Variants in CDH23 observed in about 807,000 individuals in gnomAD.
CDH23 encodes the protein cadherin-23.
Under a neutral mutation model 317.1 loss-of-function variants are expected in CDH23, and 189 were observed. The observed-to-expected ratio is 0.60, with a 90% CI of 0.53 to 0.67. CDH23 has a LOEUF of 0.67. Among genes scored for constraint, CDH23 ranks in the 30% least tolerant of loss-of-function variants. CDH23 has a pLI of 0.00. For synonymous variants in CDH23, 1,839 were observed against 1,876.8 expected, an observed-to-expected ratio of 0.98 and a Z score of 0.52; for missense variants, 4,401 against 4,592.4, an observed-to-expected ratio of 0.96 and a Z score of 1.20.
chr10:71,442,062 C>T (rs150185232), intron 2 of CDH23, among the ~76,000 whole-genome samples: 15 of 152,338 alleles, frequency 9.8e-5, no homozygotes, highest in Middle Eastern at 3.4e-3. Context: ...TAGAATAGTG[C>T]CTGGCACAGA....
At chr10:71,493,804 G>A (rs1275905714) in intron 3 of CDH23, among the ~76,000 whole-genome samples, 5 of 152,132 alleles carry the variant, frequency 3.3e-5, no homozygotes, top group East Asian at 1.9e-4. Flanking sequence ...TTAATGATTC[G>A]CGAAATACAC....
chr10:71,450,029 G>T (rs746901092), intron 3 of CDH23, among the ~76,000 whole-genome samples: 1 of 152,236 alleles, frequency 6.6e-6, no homozygotes, highest in Non-Finnish European at 1.5e-5. Flanking sequence ...TCCCCAGACA[G>T]GGCCCTGAAT....
intron 20 of CDH23, among the ~76,000 whole-genome samples, chr10:71,692,532 G>A (rs1044590343): frequency 2.0e-5 from 3 of 152,106 alleles, no homozygotes; most frequent in Admixed American, 6.5e-5. Flanking sequence ...TTTCTTCCTC[G>A]CCCTGCCAAT....
chr10:71,663,234 C>T (rs370689408), intron 14 of CDH23, among the ~76,000 whole-genome samples: 1 of 152,214 alleles, frequency 6.6e-6, no homozygotes, highest in African/African-American at 2.4e-5. Context: ...GTGACAGGGA[C>T]ATGTTGATAA....
chr10:71,517,973 C>T (rs1294948487), intron 6 of CDH23, among the ~76,000 whole-genome samples: 2 of 152,178 alleles, frequency 1.3e-5, no homozygotes, highest in African/African-American at 4.8e-5. Flanking sequence ...CCTGCGGCAG[C>T]CAGGACAGCA....
At chr10:71,752,660 G>A (rs979958041) in intron 38 of CDH23, among the ~76,000 whole-genome samples, 4 of 152,300 alleles carry the variant, frequency 2.6e-5, no homozygotes, top group South Asian at 4.1e-4. Context: ...GGCTGGGCCC[G>A]CTGGCCTCCT....
chr10:71,716,345 G>A (rs1056077137), intron 28 of CDH23: 12 of 1,464,840 alleles, frequency 8.2e-6, no homozygotes, highest in Non-Finnish European at 9.1e-6. Context: ...CATGGCTCCT[G>A]CAACAGCAAC....
intron 6 of CDH23, among the ~76,000 whole-genome samples, chr10:71,563,614 G>T (rs1857239687): frequency 6.6e-6 from 1 of 152,126 alleles, no homozygotes; most frequent in Non-Finnish European, 1.5e-5. Flanking sequence ...TGCCTGTAAT[G>T]ATATTTTATT....
At chr10:71,401,949 C>CAATATGCAT (rs1421858899) in intron 1 of CDH23, among the ~76,000 whole-genome samples, 2 of 152,192 alleles carry the variant, frequency 1.3e-5, no homozygotes, top group African/African-American at 2.4e-5. Flanking sequence ...TCCCATAGGG[C>CAATATGCAT]AGAAAATGCA....
At chr10:71,454,309 G>A (rs1850584715) in intron 3 of CDH23, among the ~76,000 whole-genome samples, 1 of 152,196 alleles carries the variant, frequency 6.6e-6, no homozygotes, top group Non-Finnish European at 1.5e-5. Flanking sequence ...TTAGAACTGT[G>A]TCTGGCCCAT....
chr10:71,791,165 A>C lies in CDH23; in HGVS notation c.6083A>C (p.Asp2028Ala), dbSNP rs762226905. The part of the protein sequence containing the change: ...VVTVRSGVII[D>A]REAFSPPILE... Reference sequence around the variant, plus strand: ...ACCGTGAGGTCAGGTGTCATCATTGACCGGGAGGCATTCTCGCCACCCATC... The same window carrying C: ...ACCGTGAGGTCAGGTGTCATCATTGCCCGGGAGGCATTCTCGCCACCCATC... Residue 2028 changes from aspartate to alanine, a missense_variant, in exon 47 of 70, where the codon GAC becomes GCC. Physicochemically the swap from Asp to Ala is moderately radical, Grantham distance 126 (BLOSUM62 -2). This residue lies in a region of CDH23 where 3,068 missense variants were observed against 3,203.3 expected (regional missense o/e 0.96). Transcript: ENST00000224721. 2.5e-6 allele frequency: 4 copies of C among 1,612,096 alleles called. No homozygotes were observed. The South Asian group carries it at 3.3e-5, about 13-fold the overall frequency.
intron 2 of CDH23, among the ~76,000 whole-genome samples, chr10:71,445,712 A>G (rs1271975522): frequency 6.6e-6 from 1 of 152,078 alleles, no homozygotes; most frequent in African/African-American, 2.4e-5. Context: ...ATAGCCTGGC[A>G]TGGGGCATGC....
chr10:71,487,124 C>T (rs188144885), intron 3 of CDH23, among the ~76,000 whole-genome samples: 1 of 152,306 alleles, frequency 6.6e-6, no homozygotes, highest in African/African-American at 2.4e-5. Flanking sequence ...CACCTCTCAC[C>T]TCCAACTCAT....
intron 6 of CDH23, among the ~76,000 whole-genome samples, chr10:71,525,547 G>C (rs926835475): frequency 1.3e-5 from 2 of 152,210 alleles, no homozygotes; most frequent in East Asian, 3.9e-4. Context: ...GAGGGTAGCT[G>C]GCTGGGAAGA....
At chr10:71,725,346 T>G (rs1460267650) in intron 29 of CDH23, 26 bp from the exon 30 acceptor site, 2 of 1,613,890 alleles carry the variant, frequency 1.2e-6, no homozygotes, top group Non-Finnish European at 1.7e-6. Context: ...GGGCCGGTGT[T>G]CCAGGGGGTC....
chr10:71,811,753 GGTAA>G lies in CDH23; in HGVS notation c.9319+3_9319+6del, dbSNP rs754198925. On this transcript the variant is annotated splice_donor_variant and splice_donor_region_variant and intron_variant, in intron 65 of 69. Transcript: ENST00000224721. LOFTEE classifies it high-confidence loss of function. ...CAAGGCCATTGTGGCTGGCTCAGCTGGTAAGTGAGGGCCATAGTGGGGACACAGG... is the reference window on the plus strand; with the variant it reads ...CAAGGCCATTGTGGCTGGCTCAGCTGGTGAGGGCCATAGTGGGGACACAGG... The G allele has an allele frequency of 3.7e-5, 58 of 1,572,224 alleles. No homozygotes were observed. Among genetic ancestry groups the G allele is most frequent in the East Asian group, 7.1e-5 (3 of 42,052 alleles).
At chr10:71,635,868 G>A (rs181030077) in intron 11 of CDH23, among the ~76,000 whole-genome samples, 97 of 152,170 alleles carry the variant, frequency 6.4e-4, no homozygotes, top group African/African-American at 2.1e-3. Flanking sequence ...AAGATCAAGG[G>A]CCCAGTAGAT....
chr10:71,596,727 G>A (rs1859872363), intron 9 of CDH23, among the ~76,000 whole-genome samples: 1 of 152,216 alleles, frequency 6.6e-6, no homozygotes, highest in South Asian at 2.1e-4. Context: ...AAAGTTGTTG[G>A]ATAGGTCACA....
intron 1 of CDH23, among the ~76,000 whole-genome samples, chr10:71,427,713 CTTT>C (rs1287974246): frequency 3.7e-5 from 5 of 133,734 alleles, no homozygotes; most frequent in Admixed American, 7.5e-5. Flanking sequence ...TCTATGCTTA[CTTT>C]TTTTTTTTTT....
Sources: allele counts gnomAD v4.1 joint callset (sites outside exome capture counted in the v4.1 genomes callset), GRCh38; gene constraint gnomAD v4.1.1; regional missense constraint gnomAD v4.1.1; transcripts MANE v1.5; gene names NCBI Gene and HGNC (gene_info 2026-07-23, HGNC 2026-07-21).